The following ROBO2 variants were observed in gnomAD, a reference collection of about 807,000 sequenced individuals.
ROBO2 encodes the protein roundabout homolog 2.
ROBO2 carries 53 observed loss-of-function variants against 160.8 expected under a neutral mutation model. That is an observed-to-expected ratio of 0.33 (90% CI 0.26 to 0.41). The LOEUF is 0.41. ROBO2 is among the 10% of genes least tolerant of loss of function. The pLI is 1.00. For missense variants in ROBO2, 1,577 were observed against 1,722.4 expected (o/e 0.92, Z 1.49); for synonymous variants, 664 against 611.7 (o/e 1.09, Z -1.26).
At chr3:76,699,804 C>T (rs994686410) in intron 2 of ROBO2, among the ~76,000 whole-genome samples, 4 of 152,122 alleles carry the variant, frequency 2.6e-5, no homozygotes, top group Admixed American at 6.6e-5. Context: ...TAACACTGAC[C>T]TTCCTCCCCC....
chr3:76,618,895 T>A (rs967290845), intron 2 of ROBO2, among the ~76,000 whole-genome samples: 1 of 151,776 alleles, frequency 6.6e-6, no homozygotes, highest in Admixed American at 6.5e-5. Context: ...CAAGAAAAAC[T>A]AAAGTGTGTT....
At chr3:76,150,581 T>G (rs1316951563) in intron 2 of ROBO2, among the ~76,000 whole-genome samples, 1 of 152,206 alleles carries the variant, frequency 6.6e-6, no homozygotes, top group African/African-American at 2.4e-5. Flanking sequence ...AGGGCCTTTA[T>G]AGTTGCTGAC....
At chr3:77,520,825 A>G (rs1308975092) in intron 5 of ROBO2, among the ~76,000 whole-genome samples, 1 of 151,430 alleles carries the variant, frequency 6.6e-6, no homozygotes, top group Non-Finnish European at 1.5e-5. Context: ...CATCAAATAC[A>G]TCACCAGTAA....
intron 2 of ROBO2, among the ~76,000 whole-genome samples, chr3:77,433,355 A>G (rs1422898519): frequency 2.0e-5 from 3 of 151,114 alleles, no homozygotes; most frequent in Non-Finnish European, 3.0e-5. Flanking sequence ...ACTGTTCTGT[A>G]TTGTGTTCTA....
chr3:76,909,265 A>G (rs2075816207), intron 2 of ROBO2, among the ~76,000 whole-genome samples: 1 of 152,204 alleles, frequency 6.6e-6, no homozygotes, highest in Non-Finnish European at 1.5e-5. Flanking sequence ...TGATCTATTC[A>G]AACAGATAGA....
chr3:77,112,193 CAAAAAA>C (rs373201643), intron 2 of ROBO2, among the ~76,000 whole-genome samples: 3 of 68,714 alleles, frequency 4.4e-5, no homozygotes, highest in East Asian at 1.5e-3. Flanking sequence ...AGACTCGTCT[CAAAAAA>C]AAAAAAAAAA....
chr3:75,980,364 A>G (rs535916188), intron 2 of ROBO2, among the ~76,000 whole-genome samples: 3 of 151,640 alleles, frequency 2.0e-5, no homozygotes, highest in South Asian at 4.1e-4. Context: ...AATCTTCTAT[A>G]GAAGCATTTC....
chr3:76,488,386 C>G (rs2079615957), intron 2 of ROBO2, among the ~76,000 whole-genome samples: 1 of 152,116 alleles, frequency 6.6e-6, no homozygotes, highest in African/African-American at 2.4e-5. Context: ...GGCTGTTGAG[C>G]TGGACTGTTC....
At chr3:76,655,601 G>A (rs1375643759) in intron 2 of ROBO2, among the ~76,000 whole-genome samples, 1 of 148,882 alleles carries the variant, frequency 6.7e-6, no homozygotes, top group East Asian at 2.0e-4. Context: ...TTTTGAGTTA[G>A]GGTATGGATT....
At chr3:76,309,632 G>A (rs1333710493) in intron 2 of ROBO2, among the ~76,000 whole-genome samples, 1 of 152,124 alleles carries the variant, frequency 6.6e-6, no homozygotes, top group African/African-American at 2.4e-5. Context: ...CATAAAACTG[G>A]TGGTTATCAT....
chr3:76,540,043 A>G (rs1484877619), intron 2 of ROBO2, among the ~76,000 whole-genome samples: 1 of 152,238 alleles, frequency 6.6e-6, no homozygotes, highest in Non-Finnish European at 1.5e-5. Flanking sequence ...CCAAGAATGC[A>G]GCATAACCTT....
At chr3:76,854,078 G>GA (rs2069767814) in intron 2 of ROBO2, among the ~76,000 whole-genome samples, 3 of 28,340 alleles carry the variant, frequency 1.1e-4, no homozygotes, top group Admixed American at 3.3e-4. Context: ...TTCTCTGTCT[G>GA]CCTCTCTCTC....
At chr3:76,588,994 C>A (rs1402549701) in intron 2 of ROBO2, among the ~76,000 whole-genome samples, 1 of 152,092 alleles carries the variant, frequency 6.6e-6, no homozygotes, top group African/African-American at 2.4e-5. Flanking sequence ...CAATAACATA[C>A]TCTCTTGTGA....
chr3:76,888,668 C>T (rs1268630020), intron 2 of ROBO2, among the ~76,000 whole-genome samples: 1 of 151,988 alleles, frequency 6.6e-6, no homozygotes, highest in Non-Finnish European at 1.5e-5. Flanking sequence ...TAGTCTTTAC[C>T]ATTGATGAAT....
chr3:76,053,442 T>C (rs1290605334), intron 2 of ROBO2, among the ~76,000 whole-genome samples: 1 of 152,060 alleles, frequency 6.6e-6, no homozygotes, highest in Non-Finnish European at 1.5e-5. Context: ...CAATGTTCTA[T>C]TCTTTAAAGG....
intron 2 of ROBO2, among the ~76,000 whole-genome samples, chr3:76,202,271 G>A (rs1702573924): frequency 6.6e-6 from 1 of 152,140 alleles, no homozygotes; most frequent in South Asian, 2.1e-4. Flanking sequence ...AGAGGAGAGA[G>A]CAATATAATG....
At chr3:77,035,116 A>T (rs2063549751), upstream of ROBO2, among the ~76,000 whole-genome samples, 1 of 151,858 alleles carries the variant, frequency 6.6e-6, no homozygotes, top group Admixed American at 6.6e-5. Context: ...CATTTGGTAA[A>T]ATCATTAGCC....
At chr3:76,885,517 C>T (rs2073789633) in intron 2 of ROBO2, among the ~76,000 whole-genome samples, 1 of 152,080 alleles carries the variant, frequency 6.6e-6, no homozygotes, top group Non-Finnish European at 1.5e-5. Flanking sequence ...AATAAGCAAG[C>T]CCATGATTCC....
rs192024012 is a variant in ROBO2 at position 76,066,924 on chromosome 3, C to T, written c.109+129322C>T. Among the ~76,000 whole-genome samples the T allele has an allele frequency of 1.4e-3, 217 of 152,192 alleles. 1 individual carries two copies. The highest frequency in any genetic ancestry group is 4.9e-3 in the African/African-American group (205 of 41,538). On this transcript the variant is annotated intron_variant, in intron 2 of 26. Coordinates refer to the ROBO2 transcript ENST00000487694. ...AATCTGGCTGTTATCTTCTTGACTG[C>T]GTGTTTGAAGGCAGCAATTTCTTTT...
Sources: gnomAD v4.1 joint callset for allele counts (sites outside exome capture counted in the v4.1 genomes callset) on GRCh38, gnomAD v4.1.1 for gene constraint, MANE v1.5 for transcripts, NCBI Gene and HGNC (gene_info 2026-07-23, HGNC 2026-07-21) for gene names.